Variants in METTL15 observed in about 807,000 individuals in gnomAD.
METTL15 encodes 12S rRNA N(4)-cytidine methyltransferase METTL15.
METTL15 carries 34 observed loss-of-function variants against 38.3 expected under a neutral mutation model. That is an observed-to-expected ratio of 0.89 (90% CI 0.68 to 1.18). The LOEUF (loss-of-function observed/expected upper bound fraction) is 1.18. Ranked by LOEUF, METTL15 falls within the 50% of genes most tolerant of loss-of-function variation. The pLI is 0.00. For missense variants in METTL15, 438 were observed against 498.4 expected (o/e 0.88, Z 1.15); for synonymous variants, 162 against 170.9 (o/e 0.95, Z 0.41).
At chr11:28,375,630 T>C (rs1850301543) in intron 5 of METTL15, among the ~76,000 whole-genome samples, 2 of 152,156 alleles carry the variant, frequency 1.3e-5, no homozygotes, top group Non-Finnish European at 2.9e-5. Context: ...CCTGGTTTCA[T>C]TAATTTTTTG....
intron 3 of METTL15, among the ~76,000 whole-genome samples, chr11:28,170,154 A>C (rs551483926): frequency 1.3e-5 from 2 of 152,282 alleles, no homozygotes; most frequent in African/African-American, 4.8e-5. Context: ...TCTCACCAGA[A>C]GATAGCAATA....
chr11:28,393,659 A>G (rs1283414067), intron 5 of METTL15, among the ~76,000 whole-genome samples: 1 of 152,114 alleles, frequency 6.6e-6, no homozygotes, highest in African/African-American at 2.4e-5. Flanking sequence ...CTTCTCTCAG[A>G]ACAAGTGATA....
intron 3 of METTL15, among the ~76,000 whole-genome samples, chr11:28,148,861 C>T (rs942379530): frequency 1.3e-5 from 2 of 151,874 alleles, no homozygotes; most frequent in Non-Finnish European, 2.9e-5. Context: ...CTGTGCTAAC[C>T]ATCTTAGACT....
intron 4 of METTL15, among the ~76,000 whole-genome samples, chr11:28,246,322 A>G (rs1854510703): frequency 6.6e-6 from 1 of 152,178 alleles, no homozygotes; most frequent in Admixed American, 6.6e-5. Context: ...TCAATAAAAA[A>G]TTATTTATCC....
intron 6 of METTL15, among the ~76,000 whole-genome samples, chr11:28,502,068 T>A (rs1049064060): frequency 6.7e-6 from 1 of 149,500 alleles, no homozygotes; most frequent in African/African-American, 2.5e-5. Context: ...GCCACTGCAC[T>A]TCAGCCTGGG....
At chr11:28,139,431 G>A (rs931178527) in intron 3 of METTL15, among the ~76,000 whole-genome samples, 1 of 152,306 alleles carries the variant, frequency 6.6e-6, no homozygotes, top group Non-Finnish European at 1.5e-5. Context: ...ACATCCCTGA[G>A]TCCCTGTAAC....
intron 4 of METTL15, among the ~76,000 whole-genome samples, chr11:28,276,429 G>C: frequency 6.6e-6 from 1 of 152,096 alleles, no homozygotes; most frequent in East Asian, 1.9e-4. Flanking sequence ...AAACACTCAT[G>C]AAGTAAATTG....
chr11:28,314,805 T>C (rs1857423927), intron 6 of METTL15, among the ~76,000 whole-genome samples: 1 of 152,184 alleles, frequency 6.6e-6, no homozygotes, highest in Non-Finnish European at 1.5e-5. Context: ...GTCTTTTCCA[T>C]GCTGTTCTCC....
intron 3 of METTL15, among the ~76,000 whole-genome samples, chr11:28,174,088 C>G (rs1020608698): frequency 1.3e-5 from 2 of 152,178 alleles, no homozygotes; most frequent in African/African-American, 2.4e-5. Flanking sequence ...TCACTAAGCA[C>G]AGTGCATACT....
chr11:28,114,605 C>T (rs967256909), intron 3 of METTL15, among the ~76,000 whole-genome samples: 5 of 152,000 alleles, frequency 3.3e-5, no homozygotes, highest in African/African-American at 4.8e-5. Flanking sequence ...TGAACACTAC[C>T]GTGGCCGGCT....
chr11:28,288,530 T>C (rs1057388447), intron 4 of METTL15, among the ~76,000 whole-genome samples: 4 of 152,050 alleles, frequency 2.6e-5, no homozygotes, highest in African/African-American at 9.7e-5. Flanking sequence ...GATGGAGCTG[T>C]AGGCCATTAT....
intron 3 of METTL15, among the ~76,000 whole-genome samples, chr11:28,142,631 G>A (rs879013019): frequency 1.3e-5 from 2 of 152,152 alleles, no homozygotes; most frequent in South Asian, 2.1e-4. Flanking sequence ...GCCCATTGTG[G>A]CTAAGTGTAG....
intron 4 of METTL15, among the ~76,000 whole-genome samples, chr11:28,234,902 A>T (rs1263743942): frequency 3.4e-5 from 5 of 147,910 alleles, no homozygotes; most frequent in Non-Finnish European, 7.5e-5. Context: ...CTGAATGGTA[A>T]TGCCTAGGTT....
chr11:28,424,409 A>G (rs747639097), intron 6 of METTL15: 1 of 152,100 alleles, frequency 6.6e-6, no homozygotes, highest in Non-Finnish European at 1.5e-5. Context: ...AGTTTTCTGC[A>G]TGGAGGATAA....
intron 6 of METTL15, among the ~76,000 whole-genome samples, chr11:28,436,060 G>A (rs545972318): frequency 1.3e-5 from 2 of 152,316 alleles, no homozygotes; most frequent in Non-Finnish European, 2.9e-5. Flanking sequence ...ATAAGAGCCA[G>A]TTGGCACTTT....
chr11:28,513,823 C>T (rs1436532886), intron 6 of METTL15, among the ~76,000 whole-genome samples: 5 of 152,384 alleles, frequency 3.3e-5, no homozygotes, highest in East Asian at 3.9e-4. Context: ...GGTTTAAGAA[C>T]GCCTTTAAGC....
intron 6 of METTL15, among the ~76,000 whole-genome samples, chr11:28,426,783 GTTTA>G (rs1850869523): frequency 6.6e-6 from 1 of 150,694 alleles, no homozygotes; most frequent in African/African-American, 2.4e-5. Context: ...TAATGGTGTT[GTTTA>G]TTTTTTTTTT....
At chr11:28,511,515 G>A (rs1272809984) in intron 6 of METTL15, among the ~76,000 whole-genome samples, 44 of 152,270 alleles carry the variant, frequency 2.9e-4, no homozygotes, top group Admixed American at 2.5e-3. Flanking sequence ...TGGCGTGTCC[G>A]GAGTTTGTTC....
chr11:28,220,799 C>A (rs923491940), intron 4 of METTL15, among the ~76,000 whole-genome samples: 1 of 152,036 alleles, frequency 6.6e-6, no homozygotes, highest in Non-Finnish European at 1.5e-5. Context: ...TGTAAAGTAT[C>A]TTATTTCTCC....
Sources: allele counts gnomAD v4.1 joint callset (sites outside exome capture counted in the v4.1 genomes callset), GRCh38; gene constraint gnomAD v4.1.1; transcripts MANE v1.5; gene names NCBI Gene and HGNC (gene_info 2026-07-23, HGNC 2026-07-21).